The following EPC1 variants were observed in gnomAD, a reference collection of about 807,000 sequenced individuals.
The protein encoded by EPC1 is enhancer of polycomb homolog 1.
EPC1 carries 12 observed loss-of-function variants against 98.4 expected under a neutral mutation model. That is an observed-to-expected ratio of 0.12 (90% CI 0.08 to 0.20). The LOEUF (loss-of-function observed/expected upper bound fraction) is 0.20, where lower values mean the gene tolerates loss of function less well. Ranked by LOEUF, EPC1 falls within the 10% of genes least tolerant of loss-of-function variation. The pLI is 1.00. For missense variants in EPC1, 729 were observed against 990.5 expected (o/e 0.74, Z 3.54); for synonymous variants, 357 against 363.9 (o/e 0.98, Z 0.21).
At position 32,286,773 on chromosome 10, in the gene EPC1, A is replaced by G. The variant is rs765301944; in HGVS notation, c.1312T>C (p.Tyr438His). 3.7e-6 allele frequency: 6 copies of G among 1,614,058 alleles called. No individual in the cohort carries two copies. The East Asian group carries it at 6.7e-5, about 18-fold the overall frequency. Residue 438 changes from tyrosine (Y) to histidine (H), a missense_variant, in exon 9 of 14, where the codon TAT (tyrosine) becomes CAT (histidine). This residue lies in a region of EPC1 where 390 missense variants were observed against 438.6 expected (regional missense o/e 0.89). Coordinates refer to ENST00000319778, the MANE Select transcript of EPC1 (RefSeq NM_001272004.3). ...PKDGGLGDVR[Y>H]RYCLTTLTVP... ...GTGAGAGTAGTTAAGCAGTATCTAT[A>G]TCGCACATCCCCTAATCCTCCATCT...
chr10:32,319,897 T>A (rs928962536), intron 1 of EPC1, among the ~76,000 whole-genome samples: 4 of 152,178 alleles, frequency 2.6e-5, no homozygotes, highest in African/African-American at 9.7e-5. Context: ...CAGGCTGGTC[T>A]CGAACTCCTG....
At chr10:32,296,069 A>G (rs1592561896) in intron 2 of EPC1, among the ~76,000 whole-genome samples, 1 of 151,276 alleles carries the variant, frequency 6.6e-6, no homozygotes, top group Non-Finnish European at 1.5e-5. Flanking sequence ...GATTACAGGC[A>G]CCTGCCACCA....
intron 10 of EPC1, among the ~76,000 whole-genome samples, 172 bp from the exon 11 acceptor site, chr10:32,273,453 A>C (rs1315838279): frequency 6.6e-6 from 1 of 152,176 alleles, no homozygotes; most frequent in Non-Finnish European, 1.5e-5. Context: ...TTCTGCTACC[A>C]CATTTAACAA....
Position 32,345,912 on chromosome 10 carries a change from A to G in EPC1, c.153+851T>C, listed in dbSNP as rs186500539. On this transcript the variant is annotated intron_variant, in intron 1 of 13. Coordinates refer to ENST00000319778, the MANE Select transcript of EPC1 (RefSeq NM_001272004.3). ...GATACCAGAGAGCAGGAGAACTTAA[A>G]TTTATTTTACAAATAGGTAAGGTTA... 7.0e-3 allele frequency among the ~76,000 whole-genome samples: 1,066 copies of G among 152,300 alleles called. 4 individuals are homozygous for G. The highest frequency in any genetic ancestry group is 0.012 in the Non-Finnish European group (786 of 68,014).
chr10:32,300,270 G>GT (rs544781179), intron 2 of EPC1, among the ~76,000 whole-genome samples: 4,274 of 151,856 alleles, frequency 0.028, 91 homozygotes, highest in Middle Eastern at 0.065. Context: ...TATACTTTAA[G>GT]TTCTAGGGTA....
chr10:32,339,598 A>G (rs1027784988), intron 1 of EPC1, among the ~76,000 whole-genome samples: 1 of 152,206 alleles, frequency 6.6e-6, no homozygotes, highest in African/African-American at 2.4e-5. Context: ...TTTCACAATC[A>G]TATCATACAA....
At chr10:32,307,415 T>G (rs1835938448) in intron 1 of EPC1, among the ~76,000 whole-genome samples, 1 of 152,222 alleles carries the variant, frequency 6.6e-6, no homozygotes, top group Non-Finnish European at 1.5e-5. Flanking sequence ...TCAATATTCC[T>G]TTTGAGTTTA....
chr10:32,375,455 G>T (rs1040255336), intron 1 of EPC1, among the ~76,000 whole-genome samples: 1 of 151,904 alleles, frequency 6.6e-6, no homozygotes, highest in Admixed American at 6.6e-5. Context: ...TAATAAATTA[G>T]GAAATTGTGT....
chr10:32,300,085 G>T (rs1835406150), intron 2 of EPC1, among the ~76,000 whole-genome samples: 1 of 151,684 alleles, frequency 6.6e-6, no homozygotes, highest in South Asian at 2.1e-4. Context: ...CTAATTTTTT[G>T]TATTTTTAGT....
At chr10:32,301,038 A>ATATCTATCTATCTATCTATC (rs145962262) in intron 2 of EPC1, among the ~76,000 whole-genome samples, 2 of 143,008 alleles carry the variant, frequency 1.4e-5, no homozygotes, top group Admixed American at 7.1e-5. Flanking sequence ...AAGCACATTT[A>ATATCTATCTATCTATCTATC]TATCTATCTA....
intron 1 of EPC1, chr10:32,345,062 G>T: frequency 1.2e-6 from 1 of 816,646 alleles, no homozygotes; most frequent in South Asian, 5.6e-5. Flanking sequence ...ATACTTGAAA[G>T]TATTATCTGT....
chr10:32,345,028 G>T, intron 1 of EPC1: 1 of 536,676 alleles, frequency 1.9e-6, no homozygotes, highest in Non-Finnish European at 2.4e-6. Flanking sequence ...TTAATTTCCA[G>T]GGCAGGGTAA....
intron 7 of EPC1, 34 bp from the exon 8 acceptor site, chr10:32,287,049 G>A (rs373803739): frequency 8.7e-6 from 14 of 1,613,258 alleles, no homozygotes; most frequent in East Asian, 2.2e-5. Flanking sequence ...GGTCAGATAC[G>A]TGACTTCCTA....
At chr10:32,315,661 TCTA>T (rs1469427848) in intron 1 of EPC1, among the ~76,000 whole-genome samples, 1 of 152,238 alleles carries the variant, frequency 6.6e-6, no homozygotes, top group African/African-American at 2.4e-5. Flanking sequence ...AATTATTTTC[TCTA>T]CTACTTTCAA....
At chr10:32,333,477 A>G (rs938970838) in intron 1 of EPC1, among the ~76,000 whole-genome samples, 1 of 152,178 alleles carries the variant, frequency 6.6e-6, no homozygotes, top group African/African-American at 2.4e-5. Flanking sequence ...AGAAGATATA[A>G]ATTAAATCAA....
At chr10:32,271,464 A>T in intron 13 of EPC1, 90 bp downstream of exon 13, 1 of 1,387,328 alleles carries the variant, frequency 7.2e-7, no homozygotes, top group Admixed American at 2.2e-5. Context: ...GAAAAGAACA[A>T]GAAACACAAA....
At chr10:32,273,086 T>C in intron 11 of EPC1, 77 bp downstream of exon 11, 1 of 1,614,164 alleles carries the variant, frequency 6.2e-7, no homozygotes, top group Non-Finnish European at 8.5e-7. Context: ...CAAGGTTCTA[T>C]GACAACAGTT....
At chr10:32,345,468 C>A (rs1275532766) in intron 1 of EPC1, 8 of 985,288 alleles carry the variant, frequency 8.1e-6, no homozygotes, top group Non-Finnish European at 9.6e-6. Flanking sequence ...TATTACAGTA[C>A]AATTTTCCAC....
At chr10:32,334,161 T>G (rs111619543) in intron 1 of EPC1, among the ~76,000 whole-genome samples, 1 of 152,220 alleles carries the variant, frequency 6.6e-6, no homozygotes, top group East Asian at 1.9e-4. Flanking sequence ...TTCAGAATTG[T>G]TACAGACCAG....
Sources: gnomAD v4.1 joint callset for allele counts (sites outside exome capture counted in the v4.1 genomes callset) on GRCh38, gnomAD v4.1.1 for gene constraint, gnomAD v4.1.1 regional missense constraint, MANE v1.5 for transcripts, NCBI Gene and HGNC (gene_info 2026-07-23, HGNC 2026-07-21) for gene names.